Variants in DPYSL2 observed in about 807,000 individuals in gnomAD.
DPYSL2 encodes dihydropyrimidinase like 2.
DPYSL2 carries 13 observed loss-of-function variants against 69.9 expected under a neutral mutation model. The ratio of observed to expected loss-of-function variants is 0.19; its 90% CI spans 0.12 to 0.30. The LOEUF (loss-of-function observed/expected upper bound fraction) is 0.30, where lower values mean the gene tolerates loss of function less well. DPYSL2 is among the 10% of genes least tolerant of loss of function. The pLI is 1.00. For synonymous variants in DPYSL2, 326 were observed against 359.1 expected (o/e 0.91, Z 1.04); for missense variants, 587 against 918.9 (o/e 0.64, Z 4.67).
At chr8:26,566,325 C>T (rs766108571) in intron 1 of DPYSL2, among the ~76,000 whole-genome samples, 8 of 152,106 alleles carry the variant, frequency 5.3e-5, no homozygotes, top group African/African-American at 9.7e-5. Flanking sequence ...AAAAAAATCA[C>T]GGGATCCCCC....
chr8:26,599,158 A>T (rs1801935542), intron 3 of DPYSL2, among the ~76,000 whole-genome samples: 1 of 152,310 alleles, frequency 6.6e-6, no homozygotes, highest in East Asian at 1.9e-4. Flanking sequence ...AGAGGGGGAA[A>T]GTGTCCACTC....
intron 3 of DPYSL2, among the ~76,000 whole-genome samples, chr8:26,589,761 G>A (rs1801682404): frequency 1.3e-5 from 2 of 152,250 alleles, no homozygotes; most frequent in Non-Finnish European, 2.9e-5. Flanking sequence ...CTTCAGAAGA[G>A]GGTGGGAACA....
At chr8:26,618,778 C>CAAAAAAAA (rs71216765) in intron 3 of DPYSL2, among the ~76,000 whole-genome samples, 41 of 85,072 alleles carry the variant, frequency 4.8e-4, no homozygotes, top group South Asian at 8.2e-4. Flanking sequence ...CCATCTCTAC[C>CAAAAAAAA]AAAAAAAAAA....
At chr8:26,515,491 A>G (rs906299567) in intron 1 of DPYSL2, among the ~76,000 whole-genome samples, 1 of 152,182 alleles carries the variant, frequency 6.6e-6, no homozygotes, top group Non-Finnish European at 1.5e-5. Context: ...CTCGAAATAG[A>G]CTGTCGAAGA....
In DPYSL2 at chr8:26,598,299, T is replaced by G. The variant is rs550541827; in HGVS notation, c.628+14316T>G. On this transcript the variant is annotated intron_variant, in intron 3 of 13. Coordinates refer to ENST00000521913, the MANE Select transcript of DPYSL2 (RefSeq NM_001197293.3). The surrounding 1 kb of genome is among the most constrained non-coding windows in gnomAD (Gnocchi z 4.2). ...TACCTTTTCTTGTGTTCTTCTGTCG[T>G]CGAGAATCAATTAAAATGGTCAGCA... Among the ~76,000 whole-genome samples, 3 of 152,344 alleles carry G rather than the reference T, an allele frequency of 2.0e-5. No homozygotes were observed. The highest frequency in any genetic ancestry group is 2.9e-5 in the Non-Finnish European group (2 of 68,020).
chr8:26,554,046 C>T (rs1232787512), intron 1 of DPYSL2, among the ~76,000 whole-genome samples: 3 of 151,976 alleles, frequency 2.0e-5, no homozygotes, highest in Non-Finnish European at 4.4e-5. Flanking sequence ...CCCCCCACCA[C>T]ACCCAGCTAA....
At chr8:26,545,280 A>G (rs1800747887) in intron 1 of DPYSL2, among the ~76,000 whole-genome samples, 1 of 152,216 alleles carries the variant, frequency 6.6e-6, no homozygotes, top group Non-Finnish European at 1.5e-5. Context: ...GAGTCTTAAC[A>G]AATTTAAGAC....
chr8:26,626,742 T>C lies in DPYSL2; in HGVS notation c.855+64T>C, dbSNP rs192142164. The C allele has an allele frequency of 6.4e-4, 989 of 1,551,446 alleles. 4 individuals are homozygous for C. Among genetic ancestry groups the C allele is most frequent in the African/African-American group, 2.1e-3 (155 of 73,510 alleles). On this transcript the variant is annotated intron_variant, in intron 5 of 13. Coordinates refer to ENST00000521913, the MANE Select transcript of DPYSL2 (RefSeq NM_001197293.3). The surrounding 1 kb of genome is among the most constrained non-coding windows in gnomAD (Gnocchi z 4.3). ...TTGGTACCTTCAGGCTGTGGCCGTT[T>C]GGGAAAGCAGTCTCCGATGTATGCA...
intron 1 of DPYSL2, among the ~76,000 whole-genome samples, chr8:26,538,757 T>C (rs1315370835): frequency 6.6e-6 from 1 of 152,174 alleles, no homozygotes. Context: ...GTTCCATGCC[T>C]CAGACACCAG....
intron 1 of DPYSL2, among the ~76,000 whole-genome samples, chr8:26,579,831 C>T (rs1337854915): frequency 6.6e-6 from 1 of 151,344 alleles, no homozygotes; most frequent in Admixed American, 6.6e-5. Context: ...TGCAGCAAGC[C>T]TCAAATAATT....
intron 1 of DPYSL2, among the ~76,000 whole-genome samples, chr8:26,541,750 A>G (rs1585497909): frequency 6.6e-6 from 1 of 152,194 alleles, no homozygotes; most frequent in Non-Finnish European, 1.5e-5. Flanking sequence ...TAAAAACTGT[A>G]AGATATTTTA....
chr8:26,652,531 A>G lies in DPYSL2; in HGVS notation c.1776+95A>G. On this transcript the variant is annotated intron_variant, in intron 12 of 13. Transcript: ENST00000521913. The surrounding 1 kb of genome is among the most constrained non-coding windows in gnomAD (Gnocchi z 6.3). ...AAGCACCTTGAGACAGAATATTAAG[A>G]TGAATTTAGTGGATTCCAGGGATAA... The G allele has an allele frequency of 1.5e-6, 2 of 1,355,046 alleles. No individual in the cohort carries two copies. The highest frequency in any genetic ancestry group is 2.9e-5 in the South Asian group (2 of 69,280). 83.9% of individuals were successfully genotyped at this position (1,355,046 alleles called of 1,614,324 possible). A position where few individuals can be genotyped will look rare whatever the true frequency, so the allele number is the denominator to read the frequency against.
intron 1 of DPYSL2, among the ~76,000 whole-genome samples, chr8:26,550,229 CTTG>C (rs1800851117): frequency 6.6e-6 from 1 of 152,082 alleles, no homozygotes; most frequent in Non-Finnish European, 1.5e-5. Context: ...TGAACATGGA[CTTG>C]TTGTAAGTGT....
chr8:26,563,206 C>A (rs1801100798), intron 1 of DPYSL2, among the ~76,000 whole-genome samples: 1 of 152,176 alleles, frequency 6.6e-6, no homozygotes, highest in African/African-American at 2.4e-5. Context: ...ATGTCTATCA[C>A]TCTCTCTTGC....
chr8:26,626,700 A>G lies in DPYSL2; in HGVS notation c.855+22A>G, dbSNP rs765380168. ...CCAGGTAAGAAAGTCGGCTTTTCGG[A>G]AGAGGCACCCTGACATTTGGTACCT... On this transcript the variant is annotated intron_variant, in intron 5 of 13. Coordinates refer to ENST00000521913, the MANE Select transcript of DPYSL2 (RefSeq NM_001197293.3). This position sits in a 1 kb window ranked among gnomAD's most constrained non-coding sequence, Gnocchi z 4.3. 4 of 1,613,496 alleles carry G rather than the reference A, an allele frequency of 2.5e-6. No individual in the cohort carries two copies. The highest frequency in any genetic ancestry group is 2.5e-6 in the Non-Finnish European group (3 of 1,179,494).
In DPYSL2 at chr8:26,514,221, G is replaced by C; in HGVS notation, c.-105G>C. The C allele has an allele frequency of 1.9e-6, 2 of 1,043,208 alleles. No homozygotes were observed. Among genetic ancestry groups the C allele is most frequent in the Non-Finnish European group, 1.3e-6 (1 of 779,150 alleles). 64.6% of individuals were successfully genotyped at this position (1,043,208 alleles called of 1,614,324 possible). On this transcript the variant is annotated 5_prime_UTR_variant, in exon 1 of 14. Coordinates refer to ENST00000521913, the MANE Select transcript of DPYSL2 (RefSeq NM_001197293.3). The surrounding 1 kb of genome is among the most constrained non-coding windows in gnomAD (Gnocchi z 8.4). ...GTGCACCTTGCGGTGGGCGGCGAAC[G>C]GCAGCCGCGGCAGCAGCTAGGGGGC...
chr8:26,656,218 C>T lies in DPYSL2; in HGVS notation c.*512C>T, dbSNP rs1409242763. The T allele has an allele frequency of 3.5e-5, 5 of 141,848 alleles. No individual in the cohort carries two copies. Among genetic ancestry groups the T allele is most frequent in the African/African-American group, 7.8e-5 (3 of 38,428 alleles). The allele number at this position is 141,848 out of a possible 1,614,324, so 8.8% of individuals were successfully genotyped here. A position where few individuals can be genotyped will look rare whatever the true frequency, so the allele number is the denominator to read the frequency against. On this transcript the variant is annotated 3_prime_UTR_variant, in exon 14 of 14. Coordinates refer to ENST00000521913, the MANE Select transcript of DPYSL2 (RefSeq NM_001197293.3). ...AAATACTAAATTGGAACATTTAATT[C>T]CATATTAATACAAGGGGTTTGAACT...
chr8:26,577,973 C>T (rs1280800597), intron 1 of DPYSL2: 1 of 1,305,882 alleles, frequency 7.7e-7, no homozygotes, highest in Non-Finnish European at 9.7e-7. Flanking sequence ...CACCCCCTTC[C>T]CTCCTGTTTC....
At position 26,656,043 on chromosome 8, in the gene DPYSL2, G is replaced by C. The variant is rs897283257; in HGVS notation, c.*337G>C. 7.8e-5 allele frequency: 18 copies of C among 231,070 alleles called. No homozygotes were observed. The highest frequency in any genetic ancestry group is 4.0e-4 in the African/African-American group (18 of 44,536). 14.3% of individuals were successfully genotyped at this position (231,070 alleles called of 1,614,324 possible). On this transcript the variant is annotated 3_prime_UTR_variant, in exon 14 of 14. Transcript: ENST00000521913. ...CTTCGCCTTCAACCTCCTAGTGTCT[G>C]TTAGCATCTTCCTTTTCATGGGGGG...
Sources: allele counts gnomAD v4.1 joint callset (sites outside exome capture counted in the v4.1 genomes callset), GRCh38; gene constraint gnomAD v4.1.1; non-coding constraint Gnocchi (gnomAD v3.1); transcripts MANE v1.5; gene names NCBI Gene and HGNC (gene_info 2026-07-23, HGNC 2026-07-21).